Variants in MPPED1 observed in about 807,000 individuals in gnomAD.
The protein encoded by MPPED1 is metallophosphoesterase domain-containing protein 1.
A neutral mutation model predicts 36.2 loss-of-function variants in MPPED1; 16 were observed. The ratio of observed to expected loss-of-function variants is 0.44; its 90% CI spans 0.30 to 0.67. MPPED1 has a LOEUF of 0.67. Among genes scored for constraint, MPPED1 ranks in the 30% least tolerant of loss-of-function variants. MPPED1 has a pLI of 0.10. For synonymous variants in MPPED1, 199 were observed against 191.3 expected, an observed-to-expected ratio of 1.04 and a Z score of -0.33; for missense variants, 307 against 453.4, an observed-to-expected ratio of 0.68 and a Z score of 2.93.
chr22:43,497,521 G>A (rs1473118857), intron 4 of MPPED1, among the ~76,000 whole-genome samples: 1 of 152,092 alleles, frequency 6.6e-6, no homozygotes, highest in African/African-American at 2.4e-5. Flanking sequence ...CTTGAAAAGA[G>A]ACTGCCTGCA....
At chr22:43,494,999 T>A (rs1327648517) in intron 4 of MPPED1, among the ~76,000 whole-genome samples, 1 of 152,156 alleles carries the variant, frequency 6.6e-6, no homozygotes, top group Non-Finnish European at 1.5e-5. Context: ...CATGACCTCA[T>A]CACCTCCCAG....
chr22:43,456,494 G>T (rs115606377), intron 3 of MPPED1, among the ~76,000 whole-genome samples: 3 of 152,154 alleles, frequency 2.0e-5, no homozygotes, highest in East Asian at 1.9e-4. Context: ...AGTTTGTTAC[G>T]TGTTTTTTGT....
intron 5 of MPPED1, among the ~76,000 whole-genome samples, chr22:43,500,190 ATGGAGGTGGTAATGGAGGTGGTGGGG>A (rs1569091684): frequency 7.1e-4 from 8 of 11,246 alleles, no homozygotes; most frequent in African/African-American, 6.1e-3. Flanking sequence ...GGTGATGGTG[ATGGAGGTGGTAATGGAGGTGGTGGGG>A]GTGATGGTGG....
At chr22:43,488,018 T>C (rs1396909089) in intron 4 of MPPED1, among the ~76,000 whole-genome samples, 2 of 152,150 alleles carry the variant, frequency 1.3e-5, no homozygotes, top group Non-Finnish European at 2.9e-5. Flanking sequence ...CCTGGCTGTG[T>C]CACGTGGGTA....
chr22:43,456,597 C>A (rs146316049), intron 3 of MPPED1, among the ~76,000 whole-genome samples: 1,915 of 152,208 alleles, frequency 0.013, 60 homozygotes, highest in African/African-American at 0.044. Context: ...CAGGTTCAAG[C>A]GATTCCTGTG....
At chr22:43,468,359 C>T (rs949420419) in intron 3 of MPPED1, among the ~76,000 whole-genome samples, 12 of 152,206 alleles carry the variant, frequency 7.9e-5, no homozygotes, top group African/African-American at 2.7e-4. Flanking sequence ...GATCAGCGTT[C>T]TCGCCCACCT....
intron 1 of MPPED1, 42 bp from the exon 2 acceptor site, chr22:43,424,866 C>A: frequency 6.8e-7 from 1 of 1,472,716 alleles, no homozygotes; most frequent in South Asian, 1.3e-5. Context: ...AAGCAAATCC[C>A]AAACAGATTA....
chr22:43,457,583 T>A (rs1026400616), intron 3 of MPPED1, among the ~76,000 whole-genome samples: 2 of 152,188 alleles, frequency 1.3e-5, no homozygotes, highest in African/African-American at 2.4e-5. Context: ...ATATTTTTTG[T>A]CCATCTTTTC....
intron 3 of MPPED1, among the ~76,000 whole-genome samples, chr22:43,463,863 CTTTCT>C (rs1477115579): frequency 5.9e-5 from 6 of 102,554 alleles, no homozygotes; most frequent in African/African-American, 1.7e-4. Context: ...TTCTTTCTTT[CTTTCT>C]TTCTTTCTCT....
At chr22:43,415,985 C>T (rs1929065204) in intron 1 of MPPED1, among the ~76,000 whole-genome samples, 1 of 152,230 alleles carries the variant, frequency 6.6e-6, no homozygotes, top group South Asian at 2.1e-4. Flanking sequence ...TCATTTCATT[C>T]TTTTGCATTT....
At chr22:43,491,968 T>G (rs1179325238) in intron 4 of MPPED1, among the ~76,000 whole-genome samples, 3 of 150,816 alleles carry the variant, frequency 2.0e-5, no homozygotes, top group Non-Finnish European at 4.4e-5. Flanking sequence ...ATGGAGGTGG[T>G]GGTAATGATT....
At chr22:43,472,205 T>A (rs1007809581) in intron 3 of MPPED1, among the ~76,000 whole-genome samples, 5 of 152,282 alleles carry the variant, frequency 3.3e-5, no homozygotes, top group Middle Eastern at 3.4e-3. Flanking sequence ...TTATTAGGAA[T>A]CTCTCAAATT....
chr22:43,438,663 G>C (rs1000883000), intron 3 of MPPED1, among the ~76,000 whole-genome samples: 20 of 151,400 alleles, frequency 1.3e-4, no homozygotes, highest in Non-Finnish European at 2.2e-4. Context: ...CTTTAGGATT[G>C]TCTCTCTCTC....
At chr22:43,427,801 T>G (rs1929529638) in intron 2 of MPPED1, among the ~76,000 whole-genome samples, 1 of 151,980 alleles carries the variant, frequency 6.6e-6, no homozygotes, top group African/African-American at 2.4e-5. Context: ...AAATTCCCCT[T>G]GCCGTGCCGC....
In MPPED1 at chr22:43,494,332, G is replaced by T. The variant is rs553993663; in HGVS notation, c.633-3903G>T. Among the ~76,000 whole-genome samples the T allele has an allele frequency of 2.6e-5, 4 of 152,322 alleles. No homozygotes were observed. In the East Asian group the frequency reaches 5.8e-4, roughly 22 times the overall value. Reference sequence around the variant, plus strand: ...TGGGATTACAGGCATGAGCCACCATGCTTGGCCACACTCTTGTGGCTTCTG... The same window carrying T: ...TGGGATTACAGGCATGAGCCACCATTCTTGGCCACACTCTTGTGGCTTCTG... On this transcript the variant is annotated intron_variant, in intron 4 of 6. Transcript: ENST00000443721.
At chr22:43,430,499 G>A (rs1377919311) in intron 2 of MPPED1, among the ~76,000 whole-genome samples, 1 of 152,206 alleles carries the variant, frequency 6.6e-6, no homozygotes, top group Admixed American at 6.5e-5. Context: ...CCAGCCTGGG[G>A]TCTGGCGTCG....
In MPPED1 at chr22:43,474,698, G is replaced by A. The variant is rs375194142; in HGVS notation, c.407-38G>A. Reference sequence around the variant, plus strand: ...GCTGTGGCTTCTGGACAAGCTGACGGCTGTGTGCTGTGTGTCTGTCTGTGT... The same window carrying A: ...GCTGTGGCTTCTGGACAAGCTGACGACTGTGTGCTGTGTGTCTGTCTGTGT... On this transcript the variant is annotated intron_variant, in intron 3 of 6. Transcript: ENST00000443721. The surrounding 1 kb of genome is among the most constrained non-coding windows in gnomAD (Gnocchi z 5.2). The A allele has an allele frequency of 6.9e-6, 11 of 1,604,712 alleles. No individual in the cohort carries two copies. Among genetic ancestry groups the A allele is most frequent in the East Asian group, 2.2e-5 (1 of 44,766 alleles).
chr22:43,502,370 C>T lies in MPPED1; in HGVS notation c.749-274C>T, dbSNP rs1036440960. 6.6e-6 allele frequency among the ~76,000 whole-genome samples: 1 copy of T among 152,326 alleles called. No homozygotes were observed. The highest frequency in any genetic ancestry group is 1.9e-4 in the East Asian group (1 of 5,178). On this transcript the variant is annotated intron_variant, in intron 5 of 6. Coordinates refer to ENST00000443721, the MANE Select transcript of MPPED1 (RefSeq NM_001044370.2). The surrounding 1 kb of genome is among the most constrained non-coding windows in gnomAD (Gnocchi z 5.5). ...GCGCCAGCAGTTACTGAGCACCCCA[C>T]CCCAAGTGCCTGGCCCATGCTGAGC... is the stretch of plus-strand genomic sequence containing the variant.
chr22:43,438,318 A>G (rs544496491), intron 3 of MPPED1, among the ~76,000 whole-genome samples: 23 of 152,238 alleles, frequency 1.5e-4, no homozygotes, highest in African/African-American at 5.5e-4. Flanking sequence ...AGCCTTGTGC[A>G]GCTCTGGGCA....
Sources: gnomAD v4.1 joint callset for allele counts (sites outside exome capture counted in the v4.1 genomes callset) on GRCh38, gnomAD v4.1.1 for gene constraint, Gnocchi (gnomAD v3.1) non-coding constraint, MANE v1.5 for transcripts, NCBI Gene and HGNC (gene_info 2026-07-23, HGNC 2026-07-21) for gene names.